The following CREB5 variants were observed in gnomAD, a reference collection of about 807,000 sequenced individuals.
The protein encoded by CREB5 is cyclic AMP-responsive element-binding protein 5.
In CREB5, 19 loss-of-function variants were observed where a neutral mutation model predicts 57.1. The observed-to-expected ratio is 0.33, with a 90% CI of 0.23 to 0.49. The LOEUF (loss-of-function observed/expected upper bound fraction) is 0.49. Ranked by LOEUF, CREB5 falls within the 20% of genes least tolerant of loss-of-function variation. The probability of loss-of-function intolerance (pLI) is 0.99; values close to 1 mark genes in which losing one functional copy is unlikely to be tolerated. For missense variants in CREB5, 579 were observed against 671.6 expected (o/e 0.86, Z 1.52); for synonymous variants, 238 against 238.3 (o/e 1.00, Z 0.01).
chr7:28,306,445 A>G (rs1785183457), intron 1 of CREB5, among the ~76,000 whole-genome samples: 1 of 151,742 alleles, frequency 6.6e-6, no homozygotes, highest in South Asian at 2.1e-4. Flanking sequence ...GATGTCTGCC[A>G]GGGTAGACTC....
At chr7:28,720,769 G>T (rs944407339) in intron 6 of CREB5, among the ~76,000 whole-genome samples, 3 of 152,106 alleles carry the variant, frequency 2.0e-5, no homozygotes, top group Non-Finnish European at 4.4e-5. Context: ...AACCAACTAC[G>T]TGAAGACTTC....
intron 1 of CREB5, among the ~76,000 whole-genome samples, chr7:28,342,305 T>C (rs980830778): frequency 6.6e-6 from 1 of 152,194 alleles, no homozygotes; most frequent in African/African-American, 2.4e-5. Context: ...TGAGGGTTAG[T>C]AGGAAGATCA....
chr7:28,740,434 T>G (rs1804267440), intron 7 of CREB5, among the ~76,000 whole-genome samples: 1 of 152,156 alleles, frequency 6.6e-6, no homozygotes, highest in South Asian at 2.1e-4. Context: ...CAAAAGCCAC[T>G]TGGTCCTCCA....
intron 1 of CREB5, among the ~76,000 whole-genome samples, chr7:28,436,700 A>ATG (rs1254483533): frequency 6.6e-6 from 1 of 152,102 alleles, no homozygotes; most frequent in African/African-American, 2.4e-5. Flanking sequence ...AAATAATCAA[A>ATG]TGTTGAATTT....
chr7:28,406,817 G>A (rs954354105), intron 1 of CREB5, among the ~76,000 whole-genome samples: 3 of 152,186 alleles, frequency 2.0e-5, no homozygotes, highest in African/African-American at 7.2e-5. Flanking sequence ...CAGCGCATTT[G>A]ACAGATGAGA....
intron 1 of CREB5, among the ~76,000 whole-genome samples, chr7:28,353,177 C>T (rs1317797823): frequency 6.6e-6 from 1 of 152,110 alleles, no homozygotes; most frequent in Non-Finnish European, 1.5e-5. Flanking sequence ...GCAACCTGCG[C>T]CTCCCAGGTT....
At chr7:28,734,206 C>CAAAAAAAAAAAAA (rs61403862) in intron 7 of CREB5, among the ~76,000 whole-genome samples, 2 of 96,436 alleles carry the variant, frequency 2.1e-5, no homozygotes, top group African/African-American at 8.9e-5. Context: ...TTCAGTAGTT[C>CAAAAAAAAAAAAA]AAAAAAAAAA....
At chr7:28,609,695 G>A (rs1238241501) in intron 5 of CREB5, among the ~76,000 whole-genome samples, 1 of 152,212 alleles carries the variant, frequency 6.6e-6, no homozygotes, top group African/African-American at 2.4e-5. Context: ...CAGGTGCATG[G>A]AGGTAGTTTG....
chr7:28,382,150 G>C (rs538219486), intron 1 of CREB5, among the ~76,000 whole-genome samples: 1 of 152,322 alleles, frequency 6.6e-6, no homozygotes, highest in Admixed American at 6.5e-5. Flanking sequence ...AGAGCAGAAG[G>C]AGAAGGGCGA....
At chr7:28,619,534 C>G (rs1797718423) in intron 5 of CREB5, among the ~76,000 whole-genome samples, 1 of 152,176 alleles carries the variant, frequency 6.6e-6, no homozygotes, top group South Asian at 2.1e-4. Flanking sequence ...GAGAAAACCA[C>G]ACAAATAAAC....
intron 5 of CREB5, among the ~76,000 whole-genome samples, chr7:28,578,245 T>C (rs1446308796): frequency 6.6e-6 from 1 of 152,080 alleles, no homozygotes; most frequent in African/African-American, 2.4e-5. Context: ...TTCTTTTCTG[T>C]ACTTGTCATA....
At chr7:28,712,524 T>TTTTTTATTA (rs1554289900) in intron 5 of CREB5, among the ~76,000 whole-genome samples, 1 of 135,320 alleles carries the variant, frequency 7.4e-6, no homozygotes, top group Non-Finnish European at 1.6e-5. Context: ...AAAAAGAGAA[T>TTTTTTATTA]TTATTATTAT....
chr7:28,496,417 CAT>C (rs1792049499), intron 3 of CREB5, among the ~76,000 whole-genome samples: 2 of 152,176 alleles, frequency 1.3e-5, no homozygotes, highest in Non-Finnish European at 2.9e-5. Flanking sequence ...TTCTGGGAAA[CAT>C]GTGCAGGCTA....
Position 28,312,026 on chromosome 7 carries a change from G to A in CREB5, c.-25+12585G>A, listed in dbSNP as rs1033841505. Among the ~76,000 whole-genome samples, 4 of 151,970 alleles carry A rather than the reference G, an allele frequency of 2.6e-5. No individual in the cohort carries two copies. The South Asian group carries it at 8.3e-4, about 32-fold the overall frequency. ...GTCCTCCTGTGTTCTGCACCCTTTT[G>A]TTCTTCTACCTCATGTAAAGACCGT... On this transcript the variant is annotated intron_variant, in intron 1 of 9. Transcript: ENST00000396299.
chr7:28,402,576 G>T (rs959847678), intron 1 of CREB5, among the ~76,000 whole-genome samples: 1 of 152,132 alleles, frequency 6.6e-6, no homozygotes, highest in Admixed American at 6.5e-5. Flanking sequence ...AATGGGGAAA[G>T]GATTCCTTAT....
intron 7 of CREB5, among the ~76,000 whole-genome samples, chr7:28,747,486 T>C (rs1221125449): frequency 6.6e-6 from 1 of 152,166 alleles, no homozygotes; most frequent in East Asian, 1.9e-4. Flanking sequence ...GCAAATTCCC[T>C]TTAAGTGAGG....
intron 4 of CREB5, among the ~76,000 whole-genome samples, chr7:28,525,827 A>G (rs2128618853): frequency 6.6e-6 from 1 of 152,264 alleles, no homozygotes; most frequent in East Asian, 1.9e-4. Context: ...TAACTAACCT[A>G]ACACTCTAAG....
At chr7:28,441,752 C>T (rs1237170518) in intron 1 of CREB5, among the ~76,000 whole-genome samples, 3 of 152,142 alleles carry the variant, frequency 2.0e-5, no homozygotes, top group Admixed American at 6.5e-5. Context: ...GTGTCATTTG[C>T]TCAAAGTCTT....
intron 6 of CREB5, among the ~76,000 whole-genome samples, chr7:28,720,993 C>T (rs1176312865): frequency 6.6e-6 from 1 of 152,156 alleles, no homozygotes; most frequent in Non-Finnish European, 1.5e-5. Flanking sequence ...TTTATTCCTA[C>T]AGCTTGACCT....
Sources: allele counts gnomAD v4.1 joint callset (sites outside exome capture counted in the v4.1 genomes callset), GRCh38; gene constraint gnomAD v4.1.1; transcripts MANE v1.5; gene names NCBI Gene and HGNC (gene_info 2026-07-23, HGNC 2026-07-21).